The following SLC12A7 variants were observed in gnomAD, a reference collection of about 807,000 sequenced individuals.
SLC12A7 encodes the protein K-Cl cotransporter 4.
SLC12A7 carries 100 observed loss-of-function variants against 120.6 expected under a neutral mutation model. The observed-to-expected ratio is 0.83, with a 90% CI of 0.71 to 0.98. The LOEUF (loss-of-function observed/expected upper bound fraction) is 0.98, where lower values mean the gene tolerates loss of function less well. SLC12A7 is among the 50% of genes least tolerant of loss of function. The pLI is 0.00. For synonymous variants in SLC12A7, 760 were observed against 678.0 expected (o/e 1.12, Z -1.88); for missense variants, 1,373 against 1,548.1 (o/e 0.89, Z 1.90).
intron 1 of SLC12A7, among the ~76,000 whole-genome samples, chr5:1,094,652 G>A (rs189009552): frequency 7.9e-4 from 120 of 152,334 alleles, no homozygotes; most frequent in African/African-American, 2.6e-3. Context: ...TCCCTCTGGC[G>A]TTGAAAATCT....
At chr5:1,100,344 C>A (rs1658480940) in intron 1 of SLC12A7, among the ~76,000 whole-genome samples, 1 of 152,230 alleles carries the variant, frequency 6.6e-6, no homozygotes. Context: ...GGGAAAGAAG[C>A]CCATGTAAAG....
At chr5:1,155,033 C>T in the SLC12A7 span, among the ~76,000 whole-genome samples, 1 of 152,172 alleles carries the variant, frequency 6.6e-6, no homozygotes, top group East Asian at 1.9e-4. Flanking sequence ...GCAGGGCCCT[C>T]CTCAGCCCAC....
At position 1,076,156 on chromosome 5, in the gene SLC12A7, C is replaced by T. The variant is rs773951132; in HGVS notation, c.1829G>A (p.Arg610His). 88 of 1,611,322 alleles carry T rather than the reference C, an allele frequency of 5.5e-5. 1 individual carries two copies. In the Admixed American group the frequency reaches 1.2e-3, roughly 21 times the overall value. The change falls in exon 14 of 24, where the codon CGC (arginine) becomes CAC (histidine). Residue 610 changes from arginine to histidine, a missense_variant. By Grantham distance (29) the Arg-to-His change is conservative. Coordinates refer to ENST00000264930, the MANE Select transcript of SLC12A7 (RefSeq NM_006598.3). ...GCCTCACCAGTGGTAGAACTTGAAG[C>T]GTGGACGCCAGTTGGGGGTACGTAG... ...TLLRTPNWRP[R>H]FKFYHWTLSF...
chr5:1,118,245 G>A, the SLC12A7 span, among the ~76,000 whole-genome samples: 2 of 152,164 alleles, frequency 1.3e-5, no homozygotes, highest in Admixed American at 6.5e-5. Flanking sequence ...CCAGCTCTGC[G>A]TGAGTCATTC....
chr5:1,101,478 T>C (rs2150899769), intron 1 of SLC12A7, among the ~76,000 whole-genome samples: 1 of 152,022 alleles, frequency 6.6e-6, no homozygotes, highest in African/African-American at 2.4e-5. Context: ...GCCCTCCCAA[T>C]AGCCAGCAAA....
chr5:1,134,434 C>T, the SLC12A7 span, among the ~76,000 whole-genome samples: 1 of 151,794 alleles, frequency 6.6e-6, no homozygotes, highest in African/African-American at 2.4e-5. Flanking sequence ...CATGCCATTT[C>T]ACTTCAGCCT....
At chr5:1,146,300 G>C in the SLC12A7 span, among the ~76,000 whole-genome samples, 1 of 152,130 alleles carries the variant, frequency 6.6e-6, no homozygotes, top group African/African-American at 2.4e-5. The surrounding 1 kb of genome is among the most constrained non-coding windows in gnomAD (Gnocchi z 6.5). Context: ...AGTTGTGGGA[G>C]CCCAGATGCT....
intron 5 of SLC12A7, 45 bp from the exon 6 acceptor site, chr5:1,087,078 A>C (rs1459181551): frequency 1.3e-6 from 2 of 1,570,060 alleles, no homozygotes; most frequent in Admixed American, 3.7e-5. Flanking sequence ...GCGCACTTGG[A>C]CTCGGACCCG....
At chr5:1,053,104 A>T (rs1199450040) in intron 23 of SLC12A7, among the ~76,000 whole-genome samples, 1 of 152,190 alleles carries the variant, frequency 6.6e-6, no homozygotes, top group Non-Finnish European at 1.5e-5. Context: ...GCACCTGGGG[A>T]CAGTGGGGCT....
At chr5:1,107,604 C>A (rs529616798) in intron 1 of SLC12A7, among the ~76,000 whole-genome samples, 6 of 152,360 alleles carry the variant, frequency 3.9e-5, no homozygotes, top group African/African-American at 1.4e-4. Flanking sequence ...ACCAGCCGCC[C>A]TGCACCCAGG....
chr5:1,075,623 G>T, intron 14 of SLC12A7, 133 bp from the exon 15 acceptor site: 1 of 1,350,120 alleles, frequency 7.4e-7, no homozygotes. Flanking sequence ...ACTGACGCCT[G>T]ACGACCATGG....
intron 9 of SLC12A7, among the ~76,000 whole-genome samples, chr5:1,081,101 TA>T (rs1292132078): frequency 1.6e-4 from 6 of 37,118 alleles, no homozygotes; most frequent in African/African-American, 2.8e-4. Flanking sequence ...GGGAAAAGGG[TA>T]GGGGGAGAGA....
chr5:1,119,792 G>C, the SLC12A7 span, among the ~76,000 whole-genome samples: 1 of 152,388 alleles, frequency 6.6e-6, no homozygotes, highest in East Asian at 1.9e-4. Flanking sequence ...GGACAAATGG[G>C]GTCCACCGGC....
At chr5:1,088,569 T>C (rs1740144935) in intron 4 of SLC12A7, among the ~76,000 whole-genome samples, 1 of 152,090 alleles carries the variant, frequency 6.6e-6, no homozygotes, top group Non-Finnish European at 1.5e-5. Flanking sequence ...CCTTCCCCTA[T>C]GACAGCGACC....
At chr5:1,154,879 C>A in the SLC12A7 span, among the ~76,000 whole-genome samples, 1 of 152,218 alleles carries the variant, frequency 6.6e-6, no homozygotes, top group Admixed American at 6.5e-5. Context: ...AGCAGATGGA[C>A]CCTCGGGGCA....
chr5:1,053,564 C>T lies in SLC12A7; in HGVS notation c.3027-82G>A, dbSNP rs557252951. ...CGAGGCTGAGCTGAGCCCTGATGAG[C>T]TGCATTCACACGTGTTGGAAAGGGC... On this transcript the variant is annotated intron_variant, in intron 22 of 23. Transcript: ENST00000264930. 284 of 1,532,476 alleles carry T rather than the reference C, an allele frequency of 1.9e-4. 1 individual carries two copies. The African/African-American group carries it at 3.4e-3, about 19-fold the overall frequency. 94.9% of individuals were successfully genotyped at this position (1,532,476 alleles called of 1,614,324 possible). A position where few individuals can be genotyped will look rare whatever the true frequency, so the allele number is the denominator to read the frequency against.
At chr5:1,057,931 G>A (rs1268617527) in intron 21 of SLC12A7, among the ~76,000 whole-genome samples, 1 of 152,228 alleles carries the variant, frequency 6.6e-6, no homozygotes, top group African/African-American at 2.4e-5. Context: ...GGTGACACGT[G>A]CTGGCAGAGT....
intron 17 of SLC12A7, among the ~76,000 whole-genome samples, chr5:1,068,070 G>A (rs751434786): frequency 1.3e-5 from 2 of 152,216 alleles, no homozygotes; most frequent in South Asian, 2.1e-4. Flanking sequence ...GCACAAGGGC[G>A]CGCATGAGCC....
chr5:1,110,589 G>A (rs1742922246), intron 1 of SLC12A7, among the ~76,000 whole-genome samples: 1 of 152,262 alleles, frequency 6.6e-6, no homozygotes, highest in South Asian at 2.1e-4. Context: ...GGCTCCTTCT[G>A]AGTGCGTTCC....
Sources: gnomAD v4.1 joint callset for allele counts (sites outside exome capture counted in the v4.1 genomes callset) on GRCh38, gnomAD v4.1.1 for gene constraint, Gnocchi (gnomAD v3.1) non-coding constraint, MANE v1.5 for transcripts, NCBI Gene and HGNC (gene_info 2026-07-23, HGNC 2026-07-21) for gene names.